The following ST6GAL1 variants were observed in gnomAD, a reference collection of about 807,000 sequenced individuals.
ST6GAL1 encodes the protein ST6 beta-galactoside alpha-2,6-sialyltransferase 1, also known as beta-galactoside alpha-2,6-sialyltransferase 1.
A neutral mutation model predicts 38.0 loss-of-function variants in ST6GAL1; 20 were observed. That is an observed-to-expected ratio of 0.53 (90% CI 0.37 to 0.77). The LOEUF is 0.77. Ranked by LOEUF, ST6GAL1 falls within the 30% of genes least tolerant of loss-of-function variation. The pLI is 0.00. For synonymous variants in ST6GAL1, 196 were observed against 188.2 expected, an observed-to-expected ratio of 1.04 and a Z score of -0.34; for missense variants, 432 against 496.4, an observed-to-expected ratio of 0.87 and a Z score of 1.23.
intron 5 of ST6GAL1, among the ~76,000 whole-genome samples, chr3:187,061,648 G>C (rs1363189353): frequency 6.6e-6 from 1 of 152,022 alleles, no homozygotes; most frequent in Non-Finnish European, 1.5e-5. Context: ...AATGATACTG[G>C]GAAAACTGGC....
chr3:187,019,272 A>T (rs1717215965), intron 2 of ST6GAL1, among the ~76,000 whole-genome samples: 1 of 152,278 alleles, frequency 6.6e-6, no homozygotes, highest in African/African-American at 2.4e-5. Flanking sequence ...GGATGAGGAG[A>T]TATGAAAAAT....
At position 187,051,351 on chromosome 3, in the gene ST6GAL1, A is replaced by C. The variant is rs766757937; in HGVS notation, c.705+5A>C. 41 of 1,613,722 alleles carry C rather than the reference A, an allele frequency of 2.5e-5. No homozygotes were observed. The highest frequency in any genetic ancestry group is 3.3e-5 in the Non-Finnish European group (39 of 1,179,824). On this transcript the variant is annotated splice_donor_5th_base_variant and intron_variant, in intron 5 of 7. Coordinates refer to ENST00000169298, the MANE Select transcript of ST6GAL1 (RefSeq NM_173216.2). ...ATTCGCCTGATGAACTCTCAGGTAAAATTTCTTCTGTGCAGCTATGGAGTA... is the reference window on the plus strand; with the variant it reads ...ATTCGCCTGATGAACTCTCAGGTAACATTTCTTCTGTGCAGCTATGGAGTA...
intron 5 of ST6GAL1, among the ~76,000 whole-genome samples, chr3:187,052,239 T>C (rs1718540059): frequency 6.6e-6 from 1 of 152,192 alleles, no homozygotes; most frequent in Non-Finnish European, 1.5e-5. Context: ...ACTCACCAGC[T>C]AGGCAGAAGC....
At chr3:186,994,168 T>C (rs2108547761) in intron 2 of ST6GAL1, among the ~76,000 whole-genome samples, 1 of 152,242 alleles carries the variant, frequency 6.6e-6, no homozygotes, top group African/African-American at 2.4e-5. Flanking sequence ...GTGGAGAGAT[T>C]GAGAGAGAAA....
intron 2 of ST6GAL1, among the ~76,000 whole-genome samples, chr3:187,030,220 G>A (rs549715501): frequency 6.6e-6 from 1 of 152,322 alleles, no homozygotes; most frequent in East Asian, 1.9e-4. Flanking sequence ...CTGCAGCCAG[G>A]TAAGTGGGGT....
chr3:187,032,961 T>C (rs1048132285), intron 2 of ST6GAL1, among the ~76,000 whole-genome samples: 9 of 152,214 alleles, frequency 5.9e-5, no homozygotes, highest in African/African-American at 2.2e-4. Flanking sequence ...AGTATGTCCA[T>C]ATGGCTTCCT....
Position 186,997,689 on chromosome 3 carries a change from C to G in ST6GAL1, c.-183+33763C>G, listed in dbSNP as rs571505898. Among the ~76,000 whole-genome samples the G allele has an allele frequency of 4.6e-5, 7 of 151,076 alleles. No individual in the cohort carries two copies. The South Asian group carries it at 1.3e-3, about 27-fold the overall frequency. Reference sequence around the variant, plus strand: ...AGAGGATCACTTGAGCCTGCGAGATCGAGGCTGCAGTGAGCCGCAACGGAA... The same window carrying G: ...AGAGGATCACTTGAGCCTGCGAGATGGAGGCTGCAGTGAGCCGCAACGGAA... On this transcript the variant is annotated intron_variant, in intron 2 of 7. Coordinates refer to ENST00000169298, the MANE Select transcript of ST6GAL1 (RefSeq NM_173216.2).
chr3:187,041,344 C>T (rs1718118197), intron 3 of ST6GAL1, among the ~76,000 whole-genome samples: 1 of 152,188 alleles, frequency 6.6e-6, no homozygotes, highest in African/African-American at 2.4e-5. Context: ...GGGAAGGGAC[C>T]TCAGACCCCT....
chr3:186,963,119 T>G (rs1714986672), intron 1 of ST6GAL1, among the ~76,000 whole-genome samples: 1 of 152,230 alleles, frequency 6.6e-6, no homozygotes, highest in Admixed American at 6.5e-5. Context: ...ACAATTACTT[T>G]AAAAACAAAT....
At chr3:186,939,616 G>T (rs371236516) in intron 1 of ST6GAL1, among the ~76,000 whole-genome samples, 16 of 152,330 alleles carry the variant, frequency 1.1e-4, no homozygotes, top group East Asian at 7.7e-4. Flanking sequence ...CTCAATATGA[G>T]TTGGACCTAA....
intron 5 of ST6GAL1, among the ~76,000 whole-genome samples, chr3:187,071,708 C>T (rs1191561531): frequency 1.4e-5 from 2 of 145,844 alleles, no homozygotes; most frequent in Non-Finnish European, 3.0e-5. Flanking sequence ...TGCAGTGAGC[C>T]GAGATCACGC....
intron 4 of ST6GAL1, among the ~76,000 whole-genome samples, chr3:187,043,514 G>T (rs956963099): frequency 6.6e-6 from 1 of 152,154 alleles, no homozygotes; most frequent in Non-Finnish European, 1.5e-5. Context: ...TCAATTAGAA[G>T]AGCTTCATTA....
intron 1 of ST6GAL1, among the ~76,000 whole-genome samples, chr3:186,943,812 C>G (rs1431667297): frequency 6.6e-6 from 1 of 152,224 alleles, no homozygotes; most frequent in Non-Finnish European, 1.5e-5. Flanking sequence ...TGCTCAAAGT[C>G]AGACCGTGAG....
Position 187,003,275 on chromosome 3 carries a change from T to C in ST6GAL1, c.-182-35467T>C, listed in dbSNP as rs138454620. ...CTGTGGGAAGGTCAGCCTGTTTTACTGTATTCAGGCCTTTAACCGATTGGA... is the reference window on the plus strand; with the variant it reads ...CTGTGGGAAGGTCAGCCTGTTTTACCGTATTCAGGCCTTTAACCGATTGGA... On this transcript the variant is annotated intron_variant, in intron 2 of 7. Transcript: ENST00000169298. Among the ~76,000 whole-genome samples, 221 of 152,342 alleles carry C rather than the reference T, an allele frequency of 1.5e-3. 1 individual carries two copies. The highest frequency in any genetic ancestry group is 4.7e-3 in the African/African-American group (194 of 41,584).
At chr3:187,004,621 G>A (rs1005600442) in intron 2 of ST6GAL1, among the ~76,000 whole-genome samples, 3 of 152,162 alleles carry the variant, frequency 2.0e-5, no homozygotes, top group African/African-American at 4.8e-5. Context: ...TAGCTTATAC[G>A]GCACTTTCGT....
intron 2 of ST6GAL1, among the ~76,000 whole-genome samples, chr3:187,003,340 A>G (rs569151491): frequency 6.6e-6 from 1 of 152,342 alleles, no homozygotes; most frequent in East Asian, 1.9e-4. Flanking sequence ...TGCTGTACTC[A>G]GCCTGCTGAT....
chr3:187,064,327 G>A (rs1719020218), intron 5 of ST6GAL1, among the ~76,000 whole-genome samples: 1 of 152,188 alleles, frequency 6.6e-6, no homozygotes, highest in Non-Finnish European at 1.5e-5. Context: ...AGATAAGGCA[G>A]GGGGAGGGGA....
intron 5 of ST6GAL1, among the ~76,000 whole-genome samples, chr3:187,067,301 G>T (rs543386399): frequency 6.6e-6 from 1 of 150,712 alleles, no homozygotes; most frequent in East Asian, 2.0e-4. Flanking sequence ...TGGCCAGGGT[G>T]ATCTCGAACT....
intron 2 of ST6GAL1, among the ~76,000 whole-genome samples, chr3:187,004,477 C>T (rs1716716666): frequency 6.6e-6 from 1 of 152,182 alleles, no homozygotes; most frequent in Non-Finnish European, 1.5e-5. Context: ...TGAGAAGATA[C>T]CTCCAGGTGC....
Sources: gnomAD v4.1 joint callset for allele counts (sites outside exome capture counted in the v4.1 genomes callset) on GRCh38, gnomAD v4.1.1 for gene constraint, MANE v1.5 for transcripts, NCBI Gene and HGNC (gene_info 2026-07-23, HGNC 2026-07-21) for gene names.